Variants in GRM3 observed in about 807,000 individuals in gnomAD.
GRM3 encodes the protein glutamate metabotropic receptor 3.
GRM3 carries 26 observed loss-of-function variants against 70.5 expected under a neutral mutation model. The observed-to-expected ratio is 0.37, with a 90% CI of 0.27 to 0.51. GRM3 has a LOEUF of 0.51. GRM3 is among the 20% of genes least tolerant of loss of function. The probability of loss-of-function intolerance (pLI) is 0.93; values close to 1 mark genes in which losing one functional copy is unlikely to be tolerated. For missense variants in GRM3, 859 were observed against 1,123.8 expected (o/e 0.76, Z 3.37); for synonymous variants, 443 against 434.9 (o/e 1.02, Z -0.23).
At chr7:86,719,976 A>T (rs1040177536) in intron 1 of GRM3, among the ~76,000 whole-genome samples, 3 of 152,014 alleles carry the variant, frequency 2.0e-5, no homozygotes, top group African/African-American at 4.8e-5. Flanking sequence ...AGTATAAACT[A>T]TCAGAAAAGT....
chr7:86,816,622 T>A (rs1295284778), intron 3 of GRM3, among the ~76,000 whole-genome samples: 1 of 151,966 alleles, frequency 6.6e-6, no homozygotes, highest in Non-Finnish European at 1.5e-5. Context: ...AAGGATATGA[T>A]CTCGTTCCTT....
chr7:86,717,205 C>A (rs1306425860), intron 1 of GRM3, among the ~76,000 whole-genome samples: 1 of 151,882 alleles, frequency 6.6e-6, no homozygotes, highest in African/African-American at 2.4e-5. Context: ...TTTTGTTACC[C>A]TCCATAGAAC....
intron 1 of GRM3, among the ~76,000 whole-genome samples, chr7:86,659,411 A>T (rs1793835680): frequency 6.6e-6 from 1 of 152,108 alleles, no homozygotes; most frequent in Non-Finnish European, 1.5e-5. Flanking sequence ...TATGATCCCT[A>T]TTTTATGGAA....
At chr7:86,663,682 A>G (rs1793954532) in intron 1 of GRM3, among the ~76,000 whole-genome samples, 1 of 151,988 alleles carries the variant, frequency 6.6e-6, no homozygotes. Flanking sequence ...GGCTTTAGAT[A>G]CATCGTTAAG....
intron 3 of GRM3, among the ~76,000 whole-genome samples, chr7:86,825,462 T>C (rs747355744): frequency 9.9e-5 from 15 of 152,212 alleles, no homozygotes; most frequent in Non-Finnish European, 1.6e-4. Flanking sequence ...GACTAAGCTA[T>C]GCTACAGTGG....
intron 3 of GRM3, among the ~76,000 whole-genome samples, chr7:86,815,189 A>C (rs1255790338): frequency 1.3e-5 from 2 of 151,792 alleles, no homozygotes; most frequent in Admixed American, 1.3e-4. Flanking sequence ...ATTTGCGTCA[A>C]ATGCACCATC....
intron 3 of GRM3, among the ~76,000 whole-genome samples, chr7:86,827,517 CTT>C (rs574706020): frequency 3.4e-5 from 5 of 145,426 alleles, no homozygotes; most frequent in Non-Finnish European, 3.0e-5. Flanking sequence ...ATATAAATCA[CTT>C]TTTTTTTTTT....
intron 1 of GRM3, among the ~76,000 whole-genome samples, chr7:86,723,263 T>C (rs986919677): frequency 5.9e-5 from 9 of 152,044 alleles, no homozygotes; most frequent in Non-Finnish European, 1.0e-4. Flanking sequence ...GTGATAGATA[T>C]AATGATGATT....
intron 2 of GRM3, among the ~76,000 whole-genome samples, chr7:86,767,570 G>T (rs1273071122): frequency 7.5e-6 from 1 of 134,050 alleles, no homozygotes; most frequent in Non-Finnish European, 1.6e-5. Context: ...AATGAAGTAT[G>T]AAACATTTCA....
At chr7:86,787,191 C>T in intron 3 of GRM3, 75 bp downstream of exon 3, 1 of 1,168,182 alleles carries the variant, frequency 8.6e-7, no homozygotes, top group Non-Finnish European at 1.2e-6. Flanking sequence ...GCCTCTGTGC[C>T]CAATTCAGAA....
chr7:86,813,292 G>A (rs1162508840), intron 3 of GRM3, among the ~76,000 whole-genome samples: 1 of 151,632 alleles, frequency 6.6e-6, no homozygotes, highest in Non-Finnish European at 1.5e-5. Context: ...GGGAGTCTCT[G>A]AAAACACTTT....
intron 1 of GRM3, among the ~76,000 whole-genome samples, chr7:86,729,731 T>A (rs577016059): frequency 6.6e-6 from 1 of 152,330 alleles, no homozygotes; most frequent in African/African-American, 2.4e-5. Context: ...AGAAAAAAAG[T>A]CCCATATTTC....
At chr7:86,767,503 C>T (rs991101576) in intron 2 of GRM3, among the ~76,000 whole-genome samples, 3 of 124,488 alleles carry the variant, frequency 2.4e-5, no homozygotes, top group Non-Finnish European at 3.3e-5. Flanking sequence ...GAAAGAGTAT[C>T]GGTCATACTT....
At chr7:86,822,936 T>C (rs1372007315) in intron 3 of GRM3, among the ~76,000 whole-genome samples, 2 of 152,188 alleles carry the variant, frequency 1.3e-5, no homozygotes, top group African/African-American at 2.4e-5. Flanking sequence ...TTTTGTCTTT[T>C]CTTAGAATAT....
intron 1 of GRM3, among the ~76,000 whole-genome samples, chr7:86,696,411 A>G (rs927229579): frequency 6.6e-6 from 1 of 152,184 alleles, no homozygotes; most frequent in Admixed American, 6.6e-5. Context: ...CAAAACCTCT[A>G]GAAGCTGGAA....
chr7:86,785,487 A>G (rs1797204660), intron 2 of GRM3, among the ~76,000 whole-genome samples: 1 of 148,492 alleles, frequency 6.7e-6, no homozygotes, highest in African/African-American at 2.5e-5. Context: ...TCTGTTCTTG[A>G]CAAGGTCCTC....
intron 2 of GRM3, chr7:86,775,293 A>T (rs1796857179): frequency 6.6e-6 from 1 of 152,122 alleles, no homozygotes; most frequent in African/African-American, 2.4e-5. Flanking sequence ...AAAAGAGGAG[A>T]ACAAATAAAA....
At chr7:86,819,165 A>T (rs1321153088) in intron 3 of GRM3, among the ~76,000 whole-genome samples, 1 of 152,124 alleles carries the variant, frequency 6.6e-6, no homozygotes, top group Non-Finnish European at 1.5e-5. Context: ...CCATTTGCTG[A>T]ATTCATAGGA....
Position 86,810,697 on chromosome 7 carries a change from T to C in GRM3, c.1324+23581T>C, listed in dbSNP as rs531333183. 5.3e-5 allele frequency among the ~76,000 whole-genome samples: 8 copies of C among 152,062 alleles called. No homozygotes were observed. The East Asian group carries it at 1.4e-3, about 26-fold the overall frequency. The stretch of plus-strand genomic sequence containing the variant: ...ATACACTGGACAGAGAATCAGGAGA[T>C]GTGAGGTCTGCCCCAAATGGTTGTA... On this transcript the variant is annotated intron_variant, in intron 3 of 5. Transcript: ENST00000361669.
Sources: allele counts gnomAD v4.1 joint callset (sites outside exome capture counted in the v4.1 genomes callset), GRCh38; gene constraint gnomAD v4.1.1; transcripts MANE v1.5; gene names NCBI Gene and HGNC (gene_info 2026-07-23, HGNC 2026-07-21).